Variants in PKN2 observed in about 807,000 individuals in gnomAD.
PKN2 encodes the protein protein kinase N2.
In PKN2, 38 loss-of-function variants were observed where a neutral mutation model predicts 119.1. That is an observed-to-expected ratio of 0.32 (90% CI 0.25 to 0.42). The LOEUF (loss-of-function observed/expected upper bound fraction) is 0.42, where lower values mean the gene tolerates loss of function less well. PKN2 is among the 10% of genes least tolerant of loss of function. The pLI is 1.00. For missense variants in PKN2, 850 were observed against 1,165.1 expected (o/e 0.73, Z 3.94); for synonymous variants, 390 against 384.9 (o/e 1.01, Z -0.15).
At chr1:88,815,347 G>A (rs1671941435) in intron 16 of PKN2, 1 of 243,918 alleles carries the variant, frequency 4.1e-6, no homozygotes, top group African/African-American at 2.4e-5. Flanking sequence ...CAGATCAAAG[G>A]TCATTTCTTT....
In PKN2 at chr1:88,705,104, A is replaced by G. The variant is rs571779244; in HGVS notation, c.48+20476A>G. Among the ~76,000 whole-genome samples the G allele has an allele frequency of 5.9e-5, 9 of 151,542 alleles. 2 individuals are homozygous for G. Among genetic ancestry groups the G allele is most frequent in the East Asian group, 1.9e-4 (1 of 5,168 alleles). ...GATGTGTGAGTTGCAAATATTTTCA[A>G]TTCTGTAGCTTATCTTTTCTTTTCT... On this transcript the variant is annotated intron_variant, in intron 1 of 21. Coordinates refer to ENST00000370521, the MANE Select transcript of PKN2 (RefSeq NM_006256.4).
chr1:88,804,663 A>T, intron 9 of PKN2, 129 bp downstream of exon 9: 1 of 900,248 alleles, frequency 1.1e-6, no homozygotes. Flanking sequence ...GAGCTATGCC[A>T]CTGAATAGGT....
At chr1:88,785,955 GC>G (rs1479467856) in intron 7 of PKN2, 148 bp from the exon 8 acceptor site, 1 of 567,100 alleles carries the variant, frequency 1.8e-6, no homozygotes, top group East Asian at 2.9e-5. Flanking sequence ...TGTAAAACTA[GC>G]CATTTAAGAT....
intron 17 of PKN2, 46 bp from the exon 18 acceptor site, chr1:88,824,264 T>G (rs757766649): frequency 1.0e-6 from 1 of 985,160 alleles, no homozygotes; most frequent in Non-Finnish European, 1.6e-6. Flanking sequence ...ACCTACTGAT[T>G]TCTTTGATTT....
intron 3 of PKN2, among the ~76,000 whole-genome samples, chr1:88,765,801 T>G (rs1669645663): frequency 6.6e-6 from 1 of 152,118 alleles, no homozygotes; most frequent in Admixed American, 6.5e-5. Context: ...ACTTTTTTGT[T>G]TGTTTGTTTT....
chr1:88,757,625 G>T (rs1669257309), intron 2 of PKN2, among the ~76,000 whole-genome samples: 1 of 152,008 alleles, frequency 6.6e-6, no homozygotes, highest in Non-Finnish European at 1.5e-5. Context: ...TCATGACCAA[G>T]TTACTTATCA....
At chr1:88,689,528 A>G (rs894972975) in intron 1 of PKN2, among the ~76,000 whole-genome samples, 1 of 152,132 alleles carries the variant, frequency 6.6e-6, no homozygotes, top group African/African-American at 2.4e-5. Context: ...AGAAAAGTGC[A>G]GGCTGGGCAT....
At chr1:88,780,095 T>A (rs530540328) in intron 6 of PKN2, among the ~76,000 whole-genome samples, 40 of 152,288 alleles carry the variant, frequency 2.6e-4, no homozygotes, top group African/African-American at 8.9e-4. Context: ...TTTTTTAAAG[T>A]GCTGTGTGAA....
At chr1:88,796,737 C>CA (rs746865276) in intron 8 of PKN2, among the ~76,000 whole-genome samples, 1 of 152,142 alleles carries the variant, frequency 6.6e-6, no homozygotes, top group Non-Finnish European at 1.5e-5. Context: ...ACTGTATTGC[C>CA]AGTATTGATT....
chr1:88,788,032 ATT>A (rs1362349936), intron 8 of PKN2, among the ~76,000 whole-genome samples: 2 of 152,252 alleles, frequency 1.3e-5, no homozygotes, highest in Admixed American at 6.5e-5. Flanking sequence ...AGAAGAAAAA[ATT>A]TATAGAAAAT....
At chr1:88,792,065 T>C (rs17130606) in intron 8 of PKN2, among the ~76,000 whole-genome samples, 10,171 of 152,282 alleles carry the variant, frequency 0.067, 693 homozygotes, top group African/African-American at 0.18. Context: ...GTAACACTTA[T>C]CTTTTTTACC....
At chr1:88,805,060 T>C in intron 10 of PKN2, 139 bp downstream of exon 10, 1 of 558,714 alleles carries the variant, frequency 1.8e-6, no homozygotes. Context: ...TTAAGGAATA[T>C]TTTAAATGTA....
intron 1 of PKN2, among the ~76,000 whole-genome samples, chr1:88,711,238 G>A (rs185674627): frequency 3.3e-5 from 5 of 151,848 alleles, no homozygotes; most frequent in South Asian, 2.1e-4. Context: ...ACAATAAACC[G>A]CCATGACATG....
At chr1:88,822,344 A>C (rs757274963) in intron 17 of PKN2, among the ~76,000 whole-genome samples, 1 of 152,212 alleles carries the variant, frequency 6.6e-6, no homozygotes, top group Admixed American at 6.5e-5. Flanking sequence ...AAACGTGTCC[A>C]TGATGAGACA....
In PKN2 at chr1:88,806,033, CCTT is replaced by C; in HGVS notation, c.1803+17_1803+19del. The C allele has an allele frequency of 6.2e-7, 1 of 1,605,560 alleles. No homozygotes were observed. On this transcript the variant is annotated intron_variant, in intron 12 of 21. Transcript: ENST00000370521. ...ACCAGGACAGGCAAGCCATTTTAAACCTTGCATAATTCCTCTTCACTGAATGAA... is the reference window on the plus strand; with the variant it reads ...ACCAGGACAGGCAAGCCATTTTAAACGCATAATTCCTCTTCACTGAATGAA...
chr1:88,730,155 A>T (rs1188555920), intron 1 of PKN2, among the ~76,000 whole-genome samples: 1 of 149,270 alleles, frequency 6.7e-6, no homozygotes, highest in Non-Finnish European at 1.5e-5. Flanking sequence ...ACAGAACGAG[A>T]CTCCGTCTCA....
intron 2 of PKN2, among the ~76,000 whole-genome samples, chr1:88,748,531 GCTC>G (rs1282803308): frequency 6.6e-6 from 1 of 152,112 alleles, no homozygotes; most frequent in African/African-American, 2.4e-5. Flanking sequence ...TATCAGTAAA[GCTC>G]CTATAAATAT....
At chr1:88,691,645 A>G (rs17130576) in intron 1 of PKN2, among the ~76,000 whole-genome samples, 3,183 of 152,176 alleles carry the variant, frequency 0.021, 68 homozygotes, top group South Asian at 0.069. Flanking sequence ...GTTTTCCTCT[A>G]TTCTATCCGT....
At position 88,684,560 on chromosome 1, in the gene PKN2, C is replaced by T; in HGVS notation, c.-21C>T. ...CGCCAGAGGCGGCCGCGTCCAGGTG[C>T]GGAGTCCATACCGGAGCGCAATGGC... On this transcript the variant is annotated 5_prime_UTR_variant, in exon 1 of 22. Coordinates refer to ENST00000370521, the MANE Select transcript of PKN2 (RefSeq NM_006256.4). The T allele has an allele frequency of 6.5e-7, 1 of 1,540,270 alleles. No individual in the cohort carries two copies. The highest frequency in any genetic ancestry group is 8.7e-7 in the Non-Finnish European group (1 of 1,143,170).
Sources: allele counts gnomAD v4.1 joint callset (sites outside exome capture counted in the v4.1 genomes callset), GRCh38; gene constraint gnomAD v4.1.1; transcripts MANE v1.5; gene names NCBI Gene and HGNC (gene_info 2026-07-23, HGNC 2026-07-21).